MARCHF1: variants seen among roughly 807,000 people sequenced by gnomAD.
MARCHF1 encodes the protein E3 ubiquitin-protein ligase MARCHF1.
A neutral mutation model predicts 54.2 loss-of-function variants in MARCHF1; 40 were observed. That is an observed-to-expected ratio of 0.74 (90% CI 0.57 to 0.96). MARCHF1 has a LOEUF of 0.96. Among genes scored for constraint, MARCHF1 ranks in the 40% least tolerant of loss-of-function variants. The pLI, the probability that MARCHF1 is intolerant of heterozygous loss-of-function variation, is 0.00. For synonymous variants in MARCHF1, 236 were observed against 236.3 expected (o/e 1.00, Z 0.01); for missense variants, 586 against 656.5 (o/e 0.89, Z 1.17).
intron 4 of MARCHF1, among the ~76,000 whole-genome samples, chr4:163,736,671 TAAAG>T (rs1746043176): frequency 6.6e-6 from 1 of 152,052 alleles, no homozygotes; most frequent in Non-Finnish European, 1.5e-5. Flanking sequence ...CATATAGGGC[TAAAG>T]TCCTAAGATA....
intron 5 of MARCHF1, among the ~76,000 whole-genome samples, chr4:163,671,469 G>C (rs1743733538): frequency 6.6e-6 from 1 of 152,166 alleles, no homozygotes. Context: ...CTTTCAGAAA[G>C]AGCACAATGC....
At chr4:164,381,681 T>G (rs1042263515) in intron 1 of MARCHF1, among the ~76,000 whole-genome samples, 1 of 152,196 alleles carries the variant, frequency 6.6e-6, no homozygotes, top group Non-Finnish European at 1.5e-5. Context: ...TTTTATATAG[T>G]GTACACCCCA....
intron 1 of MARCHF1, among the ~76,000 whole-genome samples, chr4:164,175,042 A>G (rs535224198): frequency 6.6e-5 from 10 of 152,344 alleles, no homozygotes; most frequent in African/African-American, 2.4e-4. Context: ...TCCTTAATAC[A>G]TACTGTAATT....
intron 2 of MARCHF1, among the ~76,000 whole-genome samples, chr4:164,065,122 G>A (rs1754699948): frequency 6.6e-6 from 1 of 151,924 alleles, no homozygotes; most frequent in Non-Finnish European, 1.5e-5. Flanking sequence ...TTTTTTTGTT[G>A]TATCTCTGCC....
chr4:164,357,659 G>C (rs949856986), intron 1 of MARCHF1, among the ~76,000 whole-genome samples: 6 of 152,226 alleles, frequency 3.9e-5, no homozygotes, highest in African/African-American at 1.4e-4. Flanking sequence ...ATAATTCTGA[G>C]TATAGCCAAT....
intron 5 of MARCHF1, among the ~76,000 whole-genome samples, chr4:163,682,510 C>G (rs1411904362): frequency 6.6e-6 from 1 of 152,176 alleles, no homozygotes; most frequent in Non-Finnish European, 1.5e-5. Context: ...ACCCCCTGCT[C>G]TGTGCAGCCT....
At chr4:163,831,490 C>A (rs912932119) in intron 4 of MARCHF1, among the ~76,000 whole-genome samples, 2 of 152,150 alleles carry the variant, frequency 1.3e-5, no homozygotes, top group East Asian at 3.8e-4. Flanking sequence ...CCTCGGGAGT[C>A]TGAGGTGGGG....
At chr4:163,722,480 G>A (rs1272697947) in intron 4 of MARCHF1, among the ~76,000 whole-genome samples, 1 of 152,202 alleles carries the variant, frequency 6.6e-6, no homozygotes, top group African/African-American at 2.4e-5. Context: ...TAAGTGCGAT[G>A]TGGTGCTGAG....
intron 1 of MARCHF1, among the ~76,000 whole-genome samples, chr4:164,180,555 C>T (rs1367570343): frequency 6.6e-6 from 1 of 152,082 alleles, no homozygotes; most frequent in Non-Finnish European, 1.5e-5. Flanking sequence ...CAAGAATTGG[C>T]ATGGTGCTCC....
intron 7 of MARCHF1, among the ~76,000 whole-genome samples, chr4:163,611,042 C>T (rs940413251): frequency 6.6e-6 from 1 of 151,932 alleles, no homozygotes; most frequent in African/African-American, 2.4e-5. Flanking sequence ...ATAGGTGAAG[C>T]TTCCTTGCCA....
intron 4 of MARCHF1, among the ~76,000 whole-genome samples, chr4:163,737,675 C>T (rs2111348332): frequency 1.6e-5 from 2 of 125,152 alleles, no homozygotes; most frequent in Admixed American, 1.6e-4. Flanking sequence ...TCATCACTGG[C>T]CATCAGAGAA....
intron 1 of MARCHF1, among the ~76,000 whole-genome samples, chr4:164,267,612 T>C (rs934399211): frequency 1.3e-5 from 2 of 152,068 alleles, no homozygotes; most frequent in Non-Finnish European, 2.9e-5. Context: ...TCAGTCAAAA[T>C]TTAAGATGAC....
intron 2 of MARCHF1, among the ~76,000 whole-genome samples, chr4:164,062,320 A>C (rs760841007): frequency 6.6e-6 from 1 of 152,030 alleles, no homozygotes; most frequent in Non-Finnish European, 1.5e-5. Flanking sequence ...TCCTCATGGT[A>C]ATCCATGAGG....
At chr4:163,931,961 A>G (rs142949797) in intron 3 of MARCHF1, among the ~76,000 whole-genome samples, 268 of 152,332 alleles carry the variant, frequency 1.8e-3, no homozygotes, top group African/African-American at 6.2e-3. Flanking sequence ...CCATAACAAT[A>G]AAGCTAATAT....
intron 5 of MARCHF1, among the ~76,000 whole-genome samples, chr4:163,658,269 G>C (rs1441389901): frequency 2.0e-5 from 3 of 151,968 alleles, no homozygotes; most frequent in Non-Finnish European, 4.4e-5. Context: ...CTTCTCAAAA[G>C]AAGACATTCA....
chr4:163,718,821 T>A (rs1376238463), intron 4 of MARCHF1, among the ~76,000 whole-genome samples: 4 of 152,126 alleles, frequency 2.6e-5, no homozygotes, highest in African/African-American at 7.3e-5. Context: ...ACTTCTCCTA[T>A]TTAACTCCAA....
chr4:164,350,664 T>C (rs1579743512), intron 1 of MARCHF1, among the ~76,000 whole-genome samples: 1 of 152,130 alleles, frequency 6.6e-6, no homozygotes, highest in Non-Finnish European at 1.5e-5. Context: ...GAAAAAACAA[T>C]GTGTGCCAAT....
At chr4:164,293,150 C>G (rs764020487) in intron 1 of MARCHF1, among the ~76,000 whole-genome samples, 9 of 152,088 alleles carry the variant, frequency 5.9e-5, no homozygotes, top group Non-Finnish European at 1.3e-4. Context: ...TTAAATTTAG[C>G]CTAAAACTTG....
intron 1 of MARCHF1, among the ~76,000 whole-genome samples, chr4:164,265,904 C>T (rs1218874906): frequency 6.6e-6 from 1 of 152,134 alleles, no homozygotes; most frequent in African/African-American, 2.4e-5. Context: ...AAATTAGGAA[C>T]AATTATATGG....
Sources: gnomAD v4.1 joint callset for allele counts (sites outside exome capture counted in the v4.1 genomes callset) on GRCh38, gnomAD v4.1.1 for gene constraint, MANE v1.5 for transcripts, NCBI Gene and HGNC (gene_info 2026-07-23, HGNC 2026-07-21) for gene names.